Variants in FOCAD observed in about 807,000 individuals in gnomAD.
FOCAD encodes the protein focadhesin, also known as KIAA1797.
In FOCAD, 198 loss-of-function variants were observed where a neutral mutation model predicts 225.6. That is an observed-to-expected ratio of 0.88 (90% confidence interval 0.78 to 0.99). FOCAD has a LOEUF of 0.99. Among genes scored for constraint, FOCAD ranks in the 50% least tolerant of loss-of-function variants. The probability of loss-of-function intolerance (pLI) is 0.00; values close to 1 mark genes in which losing one functional copy is unlikely to be tolerated. For missense variants in FOCAD, 2,713 were observed against 2,123.6 expected (o/e 1.28, Z -5.46); for synonymous variants, 897 against 755.0 (o/e 1.19, Z -3.08).
At chr9:20,792,878 G>A (rs1010478646) in intron 11 of FOCAD, among the ~76,000 whole-genome samples, 6 of 152,138 alleles carry the variant, frequency 3.9e-5, no homozygotes, top group Admixed American at 1.3e-4. Context: ...CCCTGTGATA[G>A]TTCTACCCAG....
intron 18 of FOCAD, among the ~76,000 whole-genome samples, chr9:20,871,383 AT>A (rs1359819529): frequency 6.6e-6 from 1 of 151,620 alleles, no homozygotes; most frequent in Non-Finnish European, 1.5e-5. Context: ...ATGCAGTTTT[AT>A]TTTTCTGAGT....
intron 4 of FOCAD, among the ~76,000 whole-genome samples, chr9:20,724,572 C>G (rs117268261): frequency 1.3e-5 from 2 of 152,106 alleles, no homozygotes; most frequent in Non-Finnish European, 2.9e-5. Flanking sequence ...TCAATTTGAT[C>G]ATAAAATATA....
chr9:20,783,868 A>G (rs1819648908), intron 10 of FOCAD, among the ~76,000 whole-genome samples: 1 of 152,192 alleles, frequency 6.6e-6, no homozygotes, highest in Non-Finnish European at 1.5e-5. Flanking sequence ...CAGTCAGGAA[A>G]GAGAAAACAC....
chr9:20,981,758 G>T, intron 38 of FOCAD, 72 bp downstream of exon 38: 1 of 1,511,366 alleles, frequency 6.6e-7, no homozygotes, highest in Non-Finnish European at 8.9e-7. Flanking sequence ...TGGCAAAGTG[G>T]GGAGGTGTAT....
At chr9:20,946,195 T>C (rs1837161754) in intron 29 of FOCAD, among the ~76,000 whole-genome samples, 1 of 152,174 alleles carries the variant, frequency 6.6e-6, no homozygotes, top group Non-Finnish European at 1.5e-5. Context: ...TTTATCTGAC[T>C]CCAGAATCCA....
intron 17 of FOCAD, among the ~76,000 whole-genome samples, chr9:20,866,468 A>G (rs537872273): frequency 6.6e-6 from 1 of 152,180 alleles, no homozygotes; most frequent in East Asian, 1.9e-4. Flanking sequence ...TAGGCCTATC[A>G]GACAGTAACT....
At chr9:20,699,071 T>C (rs1441983001) in intron 1 of FOCAD, among the ~76,000 whole-genome samples, 1 of 152,182 alleles carries the variant, frequency 6.6e-6, no homozygotes, top group Non-Finnish European at 1.5e-5. Context: ...TAAAGTTCCC[T>C]ATGAAATTAG....
intron 21 of FOCAD, among the ~76,000 whole-genome samples, chr9:20,897,567 G>A (rs546513927): frequency 6.6e-6 from 1 of 151,642 alleles, no homozygotes; most frequent in South Asian, 2.1e-4. Flanking sequence ...TTGCCACACA[G>A]TATGCAATAT....
intron 11 of FOCAD, among the ~76,000 whole-genome samples, chr9:20,798,309 T>A (rs1821368510): frequency 6.6e-6 from 1 of 152,134 alleles, no homozygotes; most frequent in Non-Finnish European, 1.5e-5. Context: ...TAAAATTCTC[T>A]TTTTTGGTTG....
chr9:20,792,473 C>G (rs183301021), intron 11 of FOCAD, among the ~76,000 whole-genome samples: 64 of 152,234 alleles, frequency 4.2e-4, no homozygotes, highest in African/African-American at 1.4e-3. Flanking sequence ...AAACGTATCC[C>G]CATTGATGAG....
chr9:20,814,234 GCTTTTGTCTGT>G (rs1823400713), intron 11 of FOCAD, among the ~76,000 whole-genome samples: 1 of 151,792 alleles, frequency 6.6e-6, no homozygotes, highest in Admixed American at 6.6e-5. Context: ...TTTGTTAATT[GCTTTTGTCTGT>G]CTTATAGCAT....
intron 42 of FOCAD, among the ~76,000 whole-genome samples, chr9:20,992,718 G>A (rs547008342): frequency 6.6e-6 from 1 of 152,232 alleles, no homozygotes; most frequent in East Asian, 1.9e-4. Context: ...ACAACACTTT[G>A]GGAGGCCAAA....
At chr9:20,944,983 GAT>G (rs2132324912) in intron 29 of FOCAD, among the ~76,000 whole-genome samples, 1 of 152,294 alleles carries the variant, frequency 6.6e-6, no homozygotes, top group Admixed American at 6.5e-5. Context: ...TGGCATATAA[GAT>G]AAGAGCCTTT....
intron 21 of FOCAD, among the ~76,000 whole-genome samples, chr9:20,887,663 G>A (rs1371890771): frequency 6.6e-6 from 1 of 152,190 alleles, no homozygotes; most frequent in East Asian, 1.9e-4. Flanking sequence ...AGATCCCTGT[G>A]TGAACATTCA....
intron 2 of FOCAD, among the ~76,000 whole-genome samples, chr9:20,661,863 A>G (rs1408141545): frequency 6.6e-6 from 1 of 152,238 alleles, no homozygotes; most frequent in Non-Finnish European, 1.5e-5. Flanking sequence ...CACTGTTATT[A>G]GTAAAAGCTT....
intron 6 of FOCAD, among the ~76,000 whole-genome samples, chr9:20,762,474 T>C (rs6475472): frequency 0.84 from 127,781 of 152,160 alleles, 53,776 homozygotes; most frequent in Admixed American, 0.9. Context: ...GTTTCCATCA[T>C]GTAGATGAGT....
At chr9:20,699,615 G>T (rs1466901764) in intron 1 of FOCAD, among the ~76,000 whole-genome samples, 1 of 149,890 alleles carries the variant, frequency 6.7e-6, no homozygotes, top group East Asian at 2.0e-4. Context: ...GCGGGCGCCT[G>T]TAGTCCCAGC....
chr9:20,753,340 A>G, intron 5 of FOCAD, among the ~76,000 whole-genome samples: 1 of 151,260 alleles, frequency 6.6e-6, no homozygotes, highest in Non-Finnish European at 1.5e-5. Flanking sequence ...TCCCATCAAT[A>G]CCTAATTTAT....
intron 19 of FOCAD, among the ~76,000 whole-genome samples, chr9:20,877,897 C>G (rs1174790781): frequency 1.3e-5 from 2 of 151,896 alleles, no homozygotes; most frequent in African/African-American, 4.8e-5. Context: ...AACAGAGAGA[C>G]TCCATCTCAA....
Sources: allele counts gnomAD v4.1 joint callset (sites outside exome capture counted in the v4.1 genomes callset), GRCh38; gene constraint gnomAD v4.1.1; transcripts MANE v1.5; gene names NCBI Gene and HGNC (gene_info 2026-07-23, HGNC 2026-07-21).